The following PPM1H variants were observed in gnomAD, a reference collection of about 807,000 sequenced individuals.
PPM1H encodes protein phosphatase 1H.
PPM1H carries 27 observed loss-of-function variants against 54.9 expected under a neutral mutation model. The ratio of observed to expected loss-of-function variants is 0.49; its 90% CI spans 0.36 to 0.68. PPM1H has a LOEUF of 0.68. Ranked by LOEUF, PPM1H falls within the 30% of genes least tolerant of loss-of-function variation. PPM1H has a pLI of 0.00. For synonymous variants in PPM1H, 305 were observed against 270.8 expected (o/e 1.13, Z -1.24); for missense variants, 596 against 667.8 (o/e 0.89, Z 1.19).
intron 1 of PPM1H, among the ~76,000 whole-genome samples, chr12:62,854,386 C>T (rs181759269): frequency 2.6e-5 from 4 of 152,112 alleles, no homozygotes; most frequent in African/African-American, 4.8e-5. Flanking sequence ...TGAAAAGTAA[C>T]GCATCTGACA....
At chr12:62,893,240 A>C (rs1870862868) in intron 1 of PPM1H, among the ~76,000 whole-genome samples, 1 of 152,216 alleles carries the variant, frequency 6.6e-6, no homozygotes, top group Non-Finnish European at 1.5e-5. Context: ...CCTTAACAAA[A>C]TACCACAGAC....
chr12:62,695,048 A>AAAAT (rs1483087068), intron 6 of PPM1H, among the ~76,000 whole-genome samples: 3 of 152,310 alleles, frequency 2.0e-5, no homozygotes, highest in African/African-American at 7.2e-5. Context: ...GTGCATTAAA[A>AAAAT]ATCCTAATTT....
intron 1 of PPM1H, among the ~76,000 whole-genome samples, chr12:62,857,420 C>G (rs1051440082): frequency 6.6e-6 from 1 of 152,130 alleles, no homozygotes; most frequent in Non-Finnish European, 1.5e-5. Context: ...ACACAGATAA[C>G]TGGGTTTTGT....
intron 1 of PPM1H, among the ~76,000 whole-genome samples, chr12:62,914,277 G>A (rs1871552709): frequency 2.0e-5 from 3 of 152,178 alleles, no homozygotes; most frequent in Admixed American, 2.0e-4. Context: ...GCTGTCCTTT[G>A]CCTTCAACCA....
rs369315284 is a variant in PPM1H, at chr12:62,701,768, C to T, written c.1074-7769G>A. 8.5e-5 allele frequency among the ~76,000 whole-genome samples: 13 copies of T among 152,174 alleles called. No individual in the cohort carries two copies. The East Asian group carries it at 1.9e-3, about 23-fold the overall frequency. Reference sequence around the variant, plus strand: ...TGATCCTGCCATGCTGGCTCCTGGACATCACTTGGAAAGGCCTCCCCTGAC... The same window carrying T: ...TGATCCTGCCATGCTGGCTCCTGGATATCACTTGGAAAGGCCTCCCCTGAC... On this transcript the variant is annotated intron_variant, in intron 6 of 9. Coordinates refer to ENST00000228705, the MANE Select transcript of PPM1H (RefSeq NM_020700.2).
Position 62,755,956 on chromosome 12 carries a change from G to A in PPM1H, c.870-18370C>T, listed in dbSNP as rs753277737. ...TCCCTACTGCCAATGTGTCAGTTGT[G>A]GGCCTGAACTGCTGTCTGGAAAAAC... On this transcript the variant is annotated intron_variant, in intron 4 of 9. Transcript: ENST00000228705. 2.7e-4 allele frequency: 247 copies of A among 923,364 alleles called. 1 individual carries two copies. The highest frequency in any genetic ancestry group is 4.0e-4 in the Non-Finnish European group (228 of 568,684). 57.2% of individuals were successfully genotyped at this position (923,364 alleles called of 1,614,324 possible).
chr12:62,789,566 A>T (rs1045106047), intron 3 of PPM1H, among the ~76,000 whole-genome samples: 1 of 152,254 alleles, frequency 6.6e-6, no homozygotes, highest in East Asian at 1.9e-4. Flanking sequence ...TTACAATGGT[A>T]AAACGTTTAT....
Position 62,886,291 on chromosome 12 carries a change from T to A in PPM1H, c.245+48201A>T, listed in dbSNP as rs1200064820. 2.0e-5 allele frequency among the ~76,000 whole-genome samples: 3 copies of A among 152,230 alleles called. No individual in the cohort carries two copies. The East Asian group carries it at 5.8e-4, about 29-fold the overall frequency. ...ATATAACTTCTGAGTACCAAATCTC[T>A]GTTAATTGGAGATACCCTCTGTTAT... On this transcript the variant is annotated intron_variant, in intron 1 of 9. Transcript: ENST00000228705.
At chr12:62,713,128 C>T (rs1160115226) in intron 6 of PPM1H, among the ~76,000 whole-genome samples, 1 of 152,180 alleles carries the variant, frequency 6.6e-6, no homozygotes, top group Non-Finnish European at 1.5e-5. Context: ...CAGTGAGTTT[C>T]TCTCTCCAGA....
intron 8 of PPM1H, among the ~76,000 whole-genome samples, chr12:62,676,588 C>T (rs1030108408): frequency 6.6e-6 from 1 of 152,206 alleles, no homozygotes; most frequent in South Asian, 2.1e-4. Flanking sequence ...AGTGCCTACT[C>T]CAGTGTGGAG....
chr12:62,703,377 C>CT (rs74743665), intron 6 of PPM1H, among the ~76,000 whole-genome samples: 6,810 of 136,816 alleles, frequency 0.05, 261 homozygotes, highest in East Asian at 0.12. Flanking sequence ...AAAAGGAGCC[C>CT]TTTTTTTTTT....
rs988517866 is a variant in PPM1H, at chr12:62,854,219, A to G, written c.246-21940T>C. ...GAACTCTGACAAGTATAAACAGTGTAGAAATTACTTCTGGAAAAACTAGAT... is the reference window on the plus strand; with the variant it reads ...GAACTCTGACAAGTATAAACAGTGTGGAAATTACTTCTGGAAAAACTAGAT... On this transcript the variant is annotated intron_variant, in intron 1 of 9. Transcript: ENST00000228705. 2.0e-5 allele frequency among the ~76,000 whole-genome samples: 3 copies of G among 152,224 alleles called. No individual in the cohort carries two copies. The South Asian group carries it at 6.2e-4, about 32-fold the overall frequency.
intron 2 of PPM1H, among the ~76,000 whole-genome samples, chr12:62,802,869 C>T (rs1001002924): frequency 1.3e-5 from 2 of 152,210 alleles, no homozygotes; most frequent in Non-Finnish European, 2.9e-5. Context: ...TCCCAAAGGG[C>T]TGGGATTACA....
intron 8 of PPM1H, among the ~76,000 whole-genome samples, chr12:62,679,725 A>G (rs959766865): frequency 5.3e-5 from 8 of 152,188 alleles, no homozygotes; most frequent in African/African-American, 1.9e-4. Context: ...CCTCCTCTTC[A>G]TCTGGAACAG....
At position 62,934,619 on chromosome 12, in the gene PPM1H, G is replaced by C. The variant is rs760074965; in HGVS notation, c.118C>G (p.Pro40Ala). ...CCCAGGAACTCTGGCCGCCCGTAGG[G>C]GAAACGCAGGGGCAGGTCCGAGCCT... is the stretch of plus-strand genomic sequence containing the variant. ...CGGSDLPLRF[P>A]YGRPEFLGLS... is the part of the protein sequence containing the mutation. Residue 40 changes from proline to alanine, a missense_variant, in exon 1 of 10, where the codon CCC (proline) becomes GCC (alanine). This residue lies in a region of PPM1H where 382 missense variants were observed against 387.1 expected (regional missense o/e 0.99). Coordinates refer to ENST00000228705, the MANE Select transcript of PPM1H (RefSeq NM_020700.2). This position sits in a 1 kb window ranked among gnomAD's most constrained non-coding sequence, Gnocchi z 4.2. 132 of 1,588,764 alleles carry C rather than the reference G, an allele frequency of 8.3e-5. No individual in the cohort carries two copies. Among genetic ancestry groups the C allele is most frequent in the Admixed American group, 3.0e-4 (17 of 56,342 alleles).
chr12:62,703,950 C>A (rs953128633), intron 6 of PPM1H, among the ~76,000 whole-genome samples: 3 of 148,780 alleles, frequency 2.0e-5, no homozygotes, highest in Admixed American at 6.8e-5. Flanking sequence ...CTCTTCCCCC[C>A]TCACTACATG....
chr12:62,648,391 C>T lies in PPM1H; in HGVS notation c.*98G>A. On this transcript the variant is annotated 3_prime_UTR_variant, in exon 10 of 10. Coordinates refer to ENST00000228705, the MANE Select transcript of PPM1H (RefSeq NM_020700.2). The stretch of plus-strand genomic sequence containing the variant: ...CCCCGCTTGGGCTGGGAAGAGACTG[C>T]ATCACTTGGAACTCAGCTGGGGCAC... 1 of 1,448,544 alleles carries T rather than the reference C, an allele frequency of 6.9e-7. No homozygotes were observed. Among genetic ancestry groups the T allele is most frequent in the African/African-American group, 1.4e-5 (1 of 71,720 alleles). 89.7% of individuals were successfully genotyped at this position (1,448,544 alleles called of 1,614,324 possible).
chr12:62,796,575 T>C (rs2076735599), intron 3 of PPM1H, among the ~76,000 whole-genome samples: 1 of 152,180 alleles, frequency 6.6e-6, no homozygotes, highest in Non-Finnish European at 1.5e-5. Flanking sequence ...TTCCATGCCC[T>C]CACTTGGCAC....
intron 8 of PPM1H, among the ~76,000 whole-genome samples, chr12:62,686,546 T>C (rs902788176): frequency 2.6e-5 from 4 of 152,210 alleles, no homozygotes; most frequent in Non-Finnish European, 5.9e-5. Context: ...CATTTATTGC[T>C]CTTCTCTGGT....
Sources: allele counts gnomAD v4.1 joint callset (sites outside exome capture counted in the v4.1 genomes callset), GRCh38; gene constraint gnomAD v4.1.1; regional missense constraint gnomAD v4.1.1; non-coding constraint Gnocchi (gnomAD v3.1); transcripts MANE v1.5; gene names NCBI Gene and HGNC (gene_info 2026-07-23, HGNC 2026-07-21).